Variants in STK10 observed in about 807,000 individuals in gnomAD.
STK10 encodes serine/threonine kinase 10, also known as serine/threonine-protein kinase 10.
In STK10, 78 loss-of-function variants were observed where a neutral mutation model predicts 113.8. The observed-to-expected ratio is 0.69, with a 90% confidence interval of 0.57 to 0.83. The LOEUF is 0.83. Ranked by LOEUF, STK10 falls within the 40% of genes least tolerant of loss-of-function variation. The probability of loss-of-function intolerance (pLI) is 0.00; values close to 1 mark genes in which losing one functional copy is unlikely to be tolerated. For missense variants in STK10, 1,109 were observed against 1,280.1 expected (o/e 0.87, Z 2.04); for synonymous variants, 465 against 494.7 (o/e 0.94, Z 0.80).
chr5:172,155,216 C>T (rs1283233966), intron 2 of STK10, among the ~76,000 whole-genome samples: 2 of 152,050 alleles, frequency 1.3e-5, no homozygotes, highest in African/African-American at 4.8e-5. Flanking sequence ...TAAAAATTCT[C>T]GCTGGGCACA....
intron 1 of STK10, among the ~76,000 whole-genome samples, chr5:172,161,800 C>T (rs546585557): frequency 4.5e-4 from 69 of 152,156 alleles, no homozygotes; most frequent in African/African-American, 1.5e-3. Flanking sequence ...AGGAATGAGG[C>T]GGCAGAGTGG....
At chr5:172,176,795 A>G (rs1770767430) in intron 1 of STK10, among the ~76,000 whole-genome samples, 1 of 152,214 alleles carries the variant, frequency 6.6e-6, no homozygotes, top group Non-Finnish European at 1.5e-5. Context: ...TCTTATGTTG[A>G]AATCCCAACC....
chr5:172,127,467 C>T (rs376786949), intron 2 of STK10, 46 bp from the exon 3 acceptor site: 45 of 1,606,586 alleles, frequency 2.8e-5, no homozygotes, highest in Non-Finnish European at 3.7e-5. Context: ...GGCTGCCCAG[C>T]CGTCGAGACG....
intron 3 of STK10, 31 bp downstream of exon 3, chr5:172,127,342 C>CAAACGAGT: frequency 1.2e-6 from 2 of 1,613,290 alleles, no homozygotes; most frequent in Admixed American, 1.7e-5. Flanking sequence ...TCGTCTGGTC[C>CAAACGAGT]CGACAATGCA....
intron 18 of STK10, among the ~76,000 whole-genome samples, chr5:172,046,712 C>T (rs996732111): frequency 6.6e-6 from 1 of 152,142 alleles, no homozygotes; most frequent in African/African-American, 2.4e-5. Context: ...TTTGGCTTTG[C>T]AGGACATATT....
At chr5:172,132,440 T>G (rs974559281) in intron 2 of STK10, among the ~76,000 whole-genome samples, 9 of 152,050 alleles carry the variant, frequency 5.9e-5, no homozygotes, top group African/African-American at 1.2e-4. Context: ...TTCTTCTGAT[T>G]GGGATGGGGA....
At chr5:172,087,133 TG>T (rs1179259420) in intron 10 of STK10, among the ~76,000 whole-genome samples, 9 of 151,448 alleles carry the variant, frequency 5.9e-5, no homozygotes, top group Admixed American at 2.0e-4. Flanking sequence ...TGTGTGTGTG[TG>T]TGTGTGTGTG....
Position 172,117,500 on chromosome 5 carries a change from G to C in STK10, c.501C>G (p.Leu167=), listed in dbSNP as rs769040456. Reference sequence around the variant, plus strand: ...CCTTACCCAGCCTGATGTCTCCCTCGAGGGTCATCAGCACGTTGCCAGCTT... The same window carrying C: ...CCTTACCCAGCCTGATGTCTCCCTCCAGGGTCATCAGCACGTTGCCAGCTT... ...DLKAGNVLMT[L]EGDIRLADFG... The change falls in exon 4 of 19, where the codon CTC becomes CTG. Residue 167 remains leucine, a synonymous_variant. Transcript: ENST00000176763. The C allele has an allele frequency of 5.0e-6, 8 of 1,612,142 alleles. No homozygotes were observed. In the South Asian group the frequency reaches 8.8e-5, roughly 18 times the overall value.
chr5:172,085,534 CA>C (rs1219708395), intron 10 of STK10, among the ~76,000 whole-genome samples: 1 of 151,554 alleles, frequency 6.6e-6, no homozygotes, highest in Non-Finnish European at 1.5e-5. Context: ...ACTAAAAATA[CA>C]AAAATTAGCC....
At chr5:172,069,307 A>G (rs1768131562) in intron 12 of STK10, among the ~76,000 whole-genome samples, 1 of 152,200 alleles carries the variant, frequency 6.6e-6, no homozygotes, top group Non-Finnish European at 1.5e-5. Context: ...CATGTTAAAT[A>G]TAAAGATTTA....
intron 12 of STK10, among the ~76,000 whole-genome samples, chr5:172,073,840 C>CT (rs1768251257): frequency 6.7e-6 from 1 of 149,908 alleles, no homozygotes. Context: ...TGGCACACAC[C>CT]TGTAATCCCA....
At chr5:172,116,334 G>A (rs1202317213) in intron 4 of STK10, among the ~76,000 whole-genome samples, 1 of 151,636 alleles carries the variant, frequency 6.6e-6, no homozygotes, top group Non-Finnish European at 1.5e-5. Context: ...CACCCACCTC[G>A]GCCTCCCAAA....
intron 12 of STK10, among the ~76,000 whole-genome samples, chr5:172,073,160 T>G (rs765399987): frequency 2.6e-5 from 4 of 151,968 alleles, no homozygotes; most frequent in Non-Finnish European, 5.9e-5. Context: ...TTTATTTATT[T>G]ATTTTTTGAG....
intron 1 of STK10, among the ~76,000 whole-genome samples, chr5:172,162,073 G>T (rs992888122): frequency 5.9e-5 from 9 of 152,284 alleles, no homozygotes; most frequent in African/African-American, 1.7e-4. Context: ...GGGCGCAGTG[G>T]CTCACGATTG....
chr5:172,057,619 T>C (rs906188410), intron 14 of STK10, 146 bp from the exon 15 acceptor site: 5 of 1,324,140 alleles, frequency 3.8e-6, no homozygotes, highest in Non-Finnish European at 5.0e-6. Context: ...TTCTACCTCA[T>C]TAGACCATGT....
intron 13 of STK10, among the ~76,000 whole-genome samples, chr5:172,062,828 C>G (rs893267226): frequency 6.6e-6 from 1 of 152,130 alleles, no homozygotes; most frequent in Non-Finnish European, 1.5e-5. Context: ...CGGAGATGGC[C>G]GCACAATGTG....
chr5:172,135,585 G>A (rs772491353), intron 2 of STK10, among the ~76,000 whole-genome samples: 8 of 152,082 alleles, frequency 5.3e-5, no homozygotes, highest in Non-Finnish European at 1.2e-4. Context: ...CACTGATGGT[G>A]GTAATGTAAA....
chr5:172,107,883 C>T (rs369009689), intron 4 of STK10, 31 bp from the exon 5 acceptor site: 1 of 1,609,456 alleles, frequency 6.2e-7, no homozygotes, highest in Non-Finnish European at 8.5e-7. Flanking sequence ...TAGCGTTTTC[C>T]ACCCATAGCC....
chr5:172,155,646 C>T (rs1347201771), intron 2 of STK10, among the ~76,000 whole-genome samples: 5 of 151,522 alleles, frequency 3.3e-5, no homozygotes, highest in African/African-American at 7.3e-5. Context: ...AAATGCCCAA[C>T]AGTAGAGAAG....
Sources: allele counts gnomAD v4.1 joint callset (sites outside exome capture counted in the v4.1 genomes callset), GRCh38; gene constraint gnomAD v4.1.1; transcripts MANE v1.5; gene names NCBI Gene and HGNC (gene_info 2026-07-23, HGNC 2026-07-21).